USP32: variants seen among roughly 807,000 people sequenced by gnomAD.
USP32 encodes ubiquitin carboxyl-terminal hydrolase 32.
In USP32, 59 loss-of-function variants were observed where a neutral mutation model predicts 204.8. The ratio of observed to expected loss-of-function variants is 0.29; its 90% CI spans 0.23 to 0.36. USP32 has a LOEUF of 0.36. USP32 is among the 10% of genes least tolerant of loss of function. The pLI, the probability that USP32 is intolerant of heterozygous loss-of-function variation, is 1.00. For missense variants in USP32, 1,160 were observed against 1,946.4 expected, an observed-to-expected ratio of 0.60 and a Z score of 7.60; for synonymous variants, 517 against 678.4, an observed-to-expected ratio of 0.76 and a Z score of 3.70.
intron 2 of USP32, among the ~76,000 whole-genome samples, chr17:60,339,846 CA>C (rs1397150479): frequency 6.6e-6 from 1 of 152,038 alleles, no homozygotes; most frequent in African/African-American, 2.4e-5. Flanking sequence ...AATAAAATCC[CA>C]AAAATATCGT....
chr17:60,361,313 C>T lies in USP32; in HGVS notation c.59-15705G>A, dbSNP rs1324827667. 2.6e-5 allele frequency among the ~76,000 whole-genome samples: 4 copies of T among 152,224 alleles called. No homozygotes were observed. The East Asian group carries it at 7.7e-4, about 29-fold the overall frequency. On this transcript the variant is annotated intron_variant, in intron 1 of 33. Coordinates refer to ENST00000300896, the MANE Select transcript of USP32 (RefSeq NM_032582.4). Reference sequence around the variant, plus strand: ...TTTTTCCATGCTTTTATAAGATGTACCCCCACAGAAACTTACAGCGGTTAG... The same window carrying T: ...TTTTTCCATGCTTTTATAAGATGTATCCCCACAGAAACTTACAGCGGTTAG...
At chr17:60,284,462 C>T (rs1047058271) in intron 5 of USP32, among the ~76,000 whole-genome samples, 5 of 151,840 alleles carry the variant, frequency 3.3e-5, no homozygotes, top group East Asian at 1.9e-4. Flanking sequence ...CCTTGTGATC[C>T]GCCCGCCTTG....
At chr17:60,381,396 G>A (rs959933901) in intron 1 of USP32, among the ~76,000 whole-genome samples, 14 of 148,608 alleles carry the variant, frequency 9.4e-5, no homozygotes, top group African/African-American at 3.3e-4. Context: ...AGCCATGATC[G>A]CACAACTGCA....
At chr17:60,407,484 A>T (rs1216328909) in intron 1 of USP32, among the ~76,000 whole-genome samples, 1 of 152,232 alleles carries the variant, frequency 6.6e-6, no homozygotes, top group East Asian at 1.9e-4. Flanking sequence ...AGAGTAAAGT[A>T]CACGCTAGAA....
Position 60,416,086 on chromosome 17 carries a change from C to T in USP32, c.106+6160G>A, listed in dbSNP as rs144887558. Among the ~76,000 whole-genome samples, 220 of 152,254 alleles carry T rather than the reference C, an allele frequency of 1.4e-3. 1 individual carries two copies. The highest frequency in any genetic ancestry group is 5.1e-3 in the African/African-American group (210 of 41,548). ...ATCTCTTGACCTCATGATCTGCCCGCGTCGGCCTCCCAAAGTGCTGGGATT... is the reference window on the plus strand; with the variant it reads ...ATCTCTTGACCTCATGATCTGCCCGTGTCGGCCTCCCAAAGTGCTGGGATT... On this transcript the variant is annotated intron_variant, in intron 1 of 3. Coordinates refer to the USP32 transcript ENST00000588898.
chr17:60,419,817 AATTATTATTATTATTATTATT>A (rs113546748), intron 1 of USP32, among the ~76,000 whole-genome samples: 52 of 138,662 alleles, frequency 3.8e-4, no homozygotes, highest in African/African-American at 1.1e-3. Context: ...GGTTAAAAAA[AATTATTATTATTATTATTATT>A]ATTATTATTA....
rs1343987945 is a variant in USP32, at chr17:60,369,041, CT to C, written c.58+22840del. Among the ~76,000 whole-genome samples, 48 of 121,848 alleles carry C rather than the reference CT, an allele frequency of 3.9e-4. No homozygotes were observed. The East Asian group carries it at 8.6e-3, about 22-fold the overall frequency. 79.9% of individuals were successfully genotyped at this position (121,848 alleles called of 152,430 possible). On this transcript the variant is annotated intron_variant, in intron 1 of 33. Transcript: ENST00000300896. ...ACGGAGTCTCGCTCTGTCGCCCAGGCTGGAGTGCAGTGGCGGGATCTCGGCT... is the reference window on the plus strand; with the variant it reads ...ACGGAGTCTCGCTCTGTCGCCCAGGCGGAGTGCAGTGGCGGGATCTCGGCT...
intron 1 of USP32, among the ~76,000 whole-genome samples, chr17:60,385,678 C>T (rs1300792358): frequency 6.6e-6 from 1 of 151,872 alleles, no homozygotes; most frequent in African/African-American, 2.4e-5. Context: ...CCTGTCTCTA[C>T]TAAAAATACA....
intron 12 of USP32, among the ~76,000 whole-genome samples, chr17:60,230,640 C>T (rs1003923200): frequency 1.3e-5 from 2 of 152,164 alleles, no homozygotes; most frequent in Non-Finnish European, 2.9e-5. Context: ...TCATTGTCTT[C>T]GGCTTTCTTT....
At chr17:60,281,382 CA>C (rs1485273494) in intron 5 of USP32, among the ~76,000 whole-genome samples, 1 of 151,964 alleles carries the variant, frequency 6.6e-6, no homozygotes, top group African/African-American at 2.4e-5. Flanking sequence ...ACTAAAAATA[CA>C]AAAAATTAGC....
At chr17:60,275,410 T>C (rs1337139813) in intron 5 of USP32, among the ~76,000 whole-genome samples, 2 of 152,034 alleles carry the variant, frequency 1.3e-5, no homozygotes, top group Non-Finnish European at 2.9e-5. Flanking sequence ...TGAGCCGAGA[T>C]TGCACCACTG....
chr17:60,179,270 G>A lies in USP32; in HGVS notation c.4800C>T (p.Tyr1600=). The A allele has an allele frequency of 6.2e-7, 1 of 1,613,898 alleles. No individual in the cohort carries two copies. Among genetic ancestry groups the A allele is most frequent in the Non-Finnish European group, 8.5e-7 (1 of 1,179,832 alleles). ...DEDFESDYKK[Y]CVLQ The stretch of plus-strand genomic sequence containing the variant: ...AGTGGTAGCTTTACTGTAACACACA[G>A]TACTTTTTGTAATCAGACTCAAAGT... Residue 1600 remains tyrosine, a synonymous_variant, in exon 34 of 34, where the codon TAC becomes TAT. Coordinates refer to ENST00000300896, the MANE Select transcript of USP32 (RefSeq NM_032582.4).
intron 26 of USP32, among the ~76,000 whole-genome samples, chr17:60,202,248 T>C (rs1304064176): frequency 6.6e-6 from 1 of 152,238 alleles, no homozygotes; most frequent in Non-Finnish European, 1.5e-5. Context: ...GGGCTCTCTA[T>C]TCTATCCCAA....
chr17:60,323,465 G>A (rs896015727), intron 2 of USP32, among the ~76,000 whole-genome samples: 1 of 152,160 alleles, frequency 6.6e-6, no homozygotes, highest in Non-Finnish European at 1.5e-5. Context: ...GGCTGTGAGA[G>A]GAGAGGATGA....
In USP32 at chr17:60,292,348, C is replaced by A. The variant is rs142787202; in HGVS notation, c.411+2335G>T. On this transcript the variant is annotated intron_variant, in intron 4 of 33. Transcript: ENST00000300896. ...AGCCAACAACAAATCCTTTACTCCT[C>A]AACAACAGATTTATATATCAAAAAT... Among the ~76,000 whole-genome samples, 8 of 152,188 alleles carry A rather than the reference C, an allele frequency of 5.3e-5. No individual in the cohort carries two copies. The East Asian group carries it at 1.5e-3, about 29-fold the overall frequency.
Position 60,243,773 on chromosome 17 carries a change from A to C in USP32, c.1137-7533T>G, listed in dbSNP as rs570866541. Among the ~76,000 whole-genome samples the C allele has an allele frequency of 4.6e-5, 7 of 152,252 alleles. No individual in the cohort carries two copies. The South Asian group carries it at 8.3e-4, about 18-fold the overall frequency. On this transcript the variant is annotated intron_variant, in intron 11 of 33. Transcript: ENST00000300896. ...CTAGTATATGGTCTATCCTAGAACA[A>C]TACTCTGTCTACATTTGAATATGTA... is the stretch of plus-strand genomic sequence containing the variant.
chr17:60,220,073 T>C (rs572821311), intron 15 of USP32, among the ~76,000 whole-genome samples: 1 of 151,986 alleles, frequency 6.6e-6, no homozygotes, highest in African/African-American at 2.4e-5. Flanking sequence ...CTAAGTATTA[T>C]CTATAATTCT....
chr17:60,384,348 T>A (rs2089693812), intron 1 of USP32, among the ~76,000 whole-genome samples: 1 of 152,176 alleles, frequency 6.6e-6, no homozygotes. Flanking sequence ...TTTACAGAAA[T>A]GAAAGACACT....
upstream of USP32, chr17:60,392,486 C>T (rs1048366267): frequency 1.6e-5 from 4 of 251,478 alleles, no homozygotes; most frequent in South Asian, 3.0e-5. Context: ...GACGACCCCC[C>T]CCGCCCCCGC....
Sources: gnomAD v4.1 joint callset for allele counts (sites outside exome capture counted in the v4.1 genomes callset) on GRCh38, gnomAD v4.1.1 for gene constraint, MANE v1.5 for transcripts, NCBI Gene and HGNC (gene_info 2026-07-23, HGNC 2026-07-21) for gene names.